CSMD3: variants seen among roughly 807,000 people sequenced by gnomAD.
The protein encoded by CSMD3 is CUB and sushi domain-containing protein 3.
In CSMD3, 177 loss-of-function variants were observed where a neutral mutation model predicts 435.2. That is an observed-to-expected ratio of 0.41 (90% CI 0.36 to 0.46). The LOEUF (loss-of-function observed/expected upper bound fraction) is 0.46, where lower values mean the gene tolerates loss of function less well. Ranked by LOEUF, CSMD3 falls within the 20% of genes least tolerant of loss-of-function variation. The probability of loss-of-function intolerance (pLI) is 0.34; values close to 1 mark genes in which losing one functional copy is unlikely to be tolerated. For missense variants in CSMD3, 4,265 were observed against 4,504.6 expected, an observed-to-expected ratio of 0.95 and a Z score of 1.52; for synonymous variants, 1,656 against 1,520.5, an observed-to-expected ratio of 1.09 and a Z score of -2.07.
chr8:113,371,357 T>C (rs1588617079), intron 1 of CSMD3, among the ~76,000 whole-genome samples: 1 of 152,120 alleles, frequency 6.6e-6, no homozygotes, highest in South Asian at 2.1e-4. Context: ...TGGTCATATA[T>C]ATTTGTAAAT....
At chr8:113,349,847 C>T (rs949938003) in intron 1 of CSMD3, among the ~76,000 whole-genome samples, 12 of 151,974 alleles carry the variant, frequency 7.9e-5, no homozygotes, top group African/African-American at 2.7e-4. Flanking sequence ...ACTCATGTCA[C>T]TCCCCCCGTT....
intron 23 of CSMD3, among the ~76,000 whole-genome samples, chr8:112,584,891 A>G (rs1830602950): frequency 6.6e-6 from 1 of 151,746 alleles, no homozygotes; most frequent in African/African-American, 2.4e-5. Flanking sequence ...ATTAGTTTTC[A>G]GTTAGGCAAA....
intron 38 of CSMD3, among the ~76,000 whole-genome samples, chr8:112,356,150 C>T (rs956878581): frequency 6.6e-6 from 1 of 152,052 alleles, no homozygotes; most frequent in African/African-American, 2.4e-5. Flanking sequence ...CTTAGAACTA[C>T]CATTTAACCC....
At chr8:112,948,311 A>G (rs962268984) in intron 8 of CSMD3, among the ~76,000 whole-genome samples, 1 of 151,992 alleles carries the variant, frequency 6.6e-6, no homozygotes, top group Non-Finnish European at 1.5e-5. Flanking sequence ...ACTTTATGAA[A>G]AAAGTTCAAA....
chr8:112,392,872 T>G (rs984532469), intron 35 of CSMD3, among the ~76,000 whole-genome samples: 1 of 147,446 alleles, frequency 6.8e-6, no homozygotes, highest in African/African-American at 2.6e-5. Context: ...TTCTTTTTTT[T>G]TTTTTTTTTT....
intron 35 of CSMD3, among the ~76,000 whole-genome samples, chr8:112,405,214 C>T (rs369359043): frequency 0.066 from 1,239 of 18,810 alleles, 59 homozygotes; most frequent in East Asian, 0.15. Flanking sequence ...AAAAAACCCC[C>T]ATATATATAT....
At chr8:113,059,506 T>C (rs889025726) in intron 5 of CSMD3, among the ~76,000 whole-genome samples, 189 of 152,288 alleles carry the variant, frequency 1.2e-3, no homozygotes, top group Non-Finnish European at 4.4e-4. Flanking sequence ...ATGAATCAGA[T>C]ACAAATTTTC....
At chr8:112,948,442 C>T (rs901633493) in intron 8 of CSMD3, among the ~76,000 whole-genome samples, 4 of 151,948 alleles carry the variant, frequency 2.6e-5, no homozygotes, top group Non-Finnish European at 4.4e-5. Flanking sequence ...TAAACCAAAA[C>T]AATGGCTTTA....
chr8:113,259,937 G>A lies in CSMD3; in HGVS notation c.514+18655C>T, dbSNP rs1487789353. ...CCCAGTGGGAGGTGATTGAATCATG[G>A]GGGTGGTTTCTCCCATGCTAATCTC... is the stretch of plus-strand genomic sequence containing the variant. On this transcript the variant is annotated intron_variant, in intron 3 of 70. Coordinates refer to ENST00000297405, the MANE Select transcript of CSMD3 (RefSeq NM_198123.2). Among the ~76,000 whole-genome samples the A allele has an allele frequency of 5.9e-5, 9 of 151,970 alleles. No homozygotes were observed. The East Asian group carries it at 1.7e-3, about 29-fold the overall frequency.
At chr8:112,956,956 G>A (rs1440350061) in intron 7 of CSMD3, among the ~76,000 whole-genome samples, 1 of 151,946 alleles carries the variant, frequency 6.6e-6, no homozygotes, top group African/African-American at 2.4e-5. Flanking sequence ...ATGACAAAGT[G>A]TGAATTAACA....
intron 6 of CSMD3, among the ~76,000 whole-genome samples, chr8:112,983,940 C>A (rs1587825397): frequency 6.6e-6 from 1 of 151,856 alleles, no homozygotes. Flanking sequence ...AGGCCAAAAA[C>A]GTCTTACTTT....
At chr8:113,301,637 T>C (rs778979122) in intron 2 of CSMD3, among the ~76,000 whole-genome samples, 10 of 151,982 alleles carry the variant, frequency 6.6e-5, no homozygotes, top group Admixed American at 1.3e-4. Flanking sequence ...ACACTTGTGA[T>C]TTTTTTCTCT....
intron 10 of CSMD3, among the ~76,000 whole-genome samples, chr8:112,871,398 T>C (rs1337769784): frequency 1.3e-5 from 2 of 152,042 alleles, no homozygotes; most frequent in African/African-American, 4.8e-5. Flanking sequence ...TACCCAACAA[T>C]TGAAAAGCAT....
In CSMD3 at chr8:113,277,303, G is replaced by A. The variant is rs190069722; in HGVS notation, c.514+1289C>T. Among the ~76,000 whole-genome samples the A allele has an allele frequency of 5.1e-3, 774 of 152,004 alleles. 10 individuals carry two copies. The highest frequency in any genetic ancestry group is 0.018 in the African/African-American group (747 of 41,498). ...AAAAACAACGATTATTACTATCACCGTGGAGGAAATTAAGTCTTGGAATTT... is the reference window on the plus strand; with the variant it reads ...AAAAACAACGATTATTACTATCACCATGGAGGAAATTAAGTCTTGGAATTT... On this transcript the variant is annotated intron_variant, in intron 3 of 70. Transcript: ENST00000297405.
At chr8:112,693,602 T>G (rs556990019) in intron 13 of CSMD3, among the ~76,000 whole-genome samples, 1 of 152,140 alleles carries the variant, frequency 6.6e-6, no homozygotes, top group African/African-American at 2.4e-5. Flanking sequence ...CTTTTCAGAC[T>G]TGCTGTTTTT....
chr8:113,131,415 T>C (rs777165284), intron 4 of CSMD3, among the ~76,000 whole-genome samples: 5 of 152,028 alleles, frequency 3.3e-5, no homozygotes, highest in Non-Finnish European at 7.4e-5. Context: ...TAGTCATGGC[T>C]AAAAGGGGCC....
At chr8:113,311,810 G>GTGTTAAA (rs2093871554) in intron 2 of CSMD3, 1 of 152,038 alleles carries the variant, frequency 6.6e-6, no homozygotes, top group Middle Eastern at 3.4e-3. Context: ...ACCAATAAAT[G>GTGTTAAA]TGTTAAATGT....
intron 61 of CSMD3, among the ~76,000 whole-genome samples, chr8:112,261,246 A>G (rs968860770): frequency 6.6e-6 from 1 of 152,132 alleles, no homozygotes; most frequent in African/African-American, 2.4e-5. Context: ...TTCTATGTCT[A>G]TAAAATATAT....
At chr8:113,181,649 G>T (rs1404583852) in intron 3 of CSMD3, among the ~76,000 whole-genome samples, 1 of 151,938 alleles carries the variant, frequency 6.6e-6, no homozygotes, top group Non-Finnish European at 1.5e-5. Flanking sequence ...TAACATAGTT[G>T]GGTGAAAGGA....
Sources: gnomAD v4.1 joint callset for allele counts (sites outside exome capture counted in the v4.1 genomes callset) on GRCh38, gnomAD v4.1.1 for gene constraint, MANE v1.5 for transcripts, NCBI Gene and HGNC (gene_info 2026-07-23, HGNC 2026-07-21) for gene names.